GABRG3: variants seen among roughly 807,000 people sequenced by gnomAD.
The protein encoded by GABRG3 is gamma-aminobutyric acid receptor subunit gamma-3.
A neutral mutation model predicts 48.8 loss-of-function variants in GABRG3; 25 were observed. That is an observed-to-expected ratio of 0.51 (90% CI 0.37 to 0.72). The LOEUF (loss-of-function observed/expected upper bound fraction) is 0.72, where lower values mean the gene tolerates loss of function less well. GABRG3 is among the 30% of genes least tolerant of loss of function. The pLI is 0.00. For missense variants in GABRG3, 394 were observed against 577.9 expected, an observed-to-expected ratio of 0.68 and a Z score of 3.26; for synonymous variants, 227 against 217.6, an observed-to-expected ratio of 1.04 and a Z score of -0.38.
intron 3 of GABRG3, among the ~76,000 whole-genome samples, chr15:27,323,486 C>G (rs1429793510): frequency 6.6e-6 from 1 of 152,100 alleles, no homozygotes; most frequent in Non-Finnish European, 1.5e-5. Flanking sequence ...TTAAAAATGC[C>G]CATATGTGCC....
chr15:27,223,550 A>T (rs1180883750), intron 3 of GABRG3, among the ~76,000 whole-genome samples: 2 of 151,960 alleles, frequency 1.3e-5, no homozygotes, highest in Non-Finnish European at 2.9e-5. Context: ...TTACAAAAAA[A>T]ATGGAATATG....
intron 2 of GABRG3, among the ~76,000 whole-genome samples, chr15:27,014,426 T>C (rs920159512): frequency 2.0e-5 from 3 of 152,020 alleles, no homozygotes; most frequent in African/African-American, 7.2e-5. Flanking sequence ...TGTAAGTCTT[T>C]ACTGCTATAA....
chr15:27,292,615 C>T (rs1891832839), intron 3 of GABRG3, among the ~76,000 whole-genome samples: 1 of 151,984 alleles, frequency 6.6e-6, no homozygotes, highest in Non-Finnish European at 1.5e-5. Flanking sequence ...CTGGAACTTT[C>T]TCTATTCAAA....
chr15:27,159,567 A>G (rs192152475), intron 3 of GABRG3, among the ~76,000 whole-genome samples: 25 of 151,890 alleles, frequency 1.6e-4, no homozygotes, highest in Admixed American at 1.4e-3. Context: ...CTTATTTTCC[A>G]TCATGTTCCT....
In GABRG3 at chr15:26,976,469, G is replaced by A. The variant is rs973876491; in HGVS notation, c.54-533G>A. Among the ~76,000 whole-genome samples the A allele has an allele frequency of 1.3e-5, 2 of 152,122 alleles. No homozygotes were observed. Among genetic ancestry groups the A allele is most frequent in the African/African-American group, 4.8e-5 (2 of 41,426 alleles). On this transcript the variant is annotated intron_variant, in intron 1 of 9. Coordinates refer to ENST00000615808, the MANE Select transcript of GABRG3 (RefSeq NM_033223.5). This position sits in a 1 kb window ranked among gnomAD's most constrained non-coding sequence, Gnocchi z 7.8. ...CCGGCAAAGCAGACCCCCTCACAAT[G>A]CTCAAGTGCCTAGACCCCCAGATTC...
Position 27,391,197 on chromosome 15 carries a change from C to G in GABRG3, c.574+62309C>G, listed in dbSNP as rs1887118494. Among the ~76,000 whole-genome samples the G allele has an allele frequency of 2.6e-5, 4 of 152,144 alleles. No individual in the cohort carries two copies. The South Asian group carries it at 8.3e-4, about 32-fold the overall frequency. The stretch of plus-strand genomic sequence containing the variant: ...CCCTTGTAAAATAGAAAAATAGCTT[C>G]TCTTTTAATATTTTATAGGCTTTAT... On this transcript the variant is annotated intron_variant, in intron 5 of 9. Coordinates refer to ENST00000615808, the MANE Select transcript of GABRG3 (RefSeq NM_033223.5).
intron 3 of GABRG3, among the ~76,000 whole-genome samples, chr15:27,070,650 G>A (rs1896812025): frequency 6.6e-6 from 1 of 152,180 alleles, no homozygotes; most frequent in African/African-American, 2.4e-5. Context: ...ATGACAATTT[G>A]TATAAATGAA....
intron 3 of GABRG3, among the ~76,000 whole-genome samples, chr15:27,261,696 T>C (rs2140466878): frequency 1.3e-5 from 2 of 152,242 alleles, no homozygotes; most frequent in East Asian, 3.9e-4. Context: ...TCCCTTTCCT[T>C]TCTTCTTCAT....
chr15:27,338,765 A>C (rs1894064616), intron 5 of GABRG3, among the ~76,000 whole-genome samples: 2 of 152,192 alleles, frequency 1.3e-5, no homozygotes, highest in South Asian at 4.1e-4. Flanking sequence ...GCAGAGGTAC[A>C]GACAAACCAG....
chr15:27,047,767 T>G (rs1489836297), intron 3 of GABRG3, among the ~76,000 whole-genome samples: 1 of 152,190 alleles, frequency 6.6e-6, no homozygotes, highest in Non-Finnish European at 1.5e-5. Context: ...TTTGCAGATC[T>G]GGGAGAGGCA....
At chr15:27,502,108 A>G (rs1158094988) in intron 6 of GABRG3, among the ~76,000 whole-genome samples, 4 of 152,228 alleles carry the variant, frequency 2.6e-5, no homozygotes, top group Non-Finnish European at 5.9e-5. Context: ...TGTAGACAAT[A>G]AAAATTAGAT....
At chr15:27,249,878 T>C (rs917394791) in intron 3 of GABRG3, among the ~76,000 whole-genome samples, 2 of 152,114 alleles carry the variant, frequency 1.3e-5, no homozygotes, top group Admixed American at 1.3e-4. Context: ...ATTAAGATAA[T>C]TACATTATCA....
intron 6 of GABRG3, among the ~76,000 whole-genome samples, chr15:27,492,613 A>G (rs915025463): frequency 1.3e-5 from 2 of 152,240 alleles, no homozygotes; most frequent in Admixed American, 1.3e-4. Context: ...TCAATCTTCA[A>G]AATAACTGCT....
chr15:27,510,534 C>G (rs764905725), intron 6 of GABRG3, among the ~76,000 whole-genome samples: 1 of 152,218 alleles, frequency 6.6e-6, no homozygotes, highest in Non-Finnish European at 1.5e-5. Context: ...CTGTCATCCT[C>G]TCCCAGGCGG....
At chr15:27,329,329 C>G (rs899999593) in intron 5 of GABRG3, among the ~76,000 whole-genome samples, 1 of 152,076 alleles carries the variant, frequency 6.6e-6, no homozygotes, top group Non-Finnish European at 1.5e-5. Flanking sequence ...AGTAGCACAG[C>G]CTTAGCTGAC....
intron 3 of GABRG3, among the ~76,000 whole-genome samples, chr15:27,129,028 G>A (rs1897870320): frequency 2.6e-5 from 4 of 152,094 alleles, no homozygotes; most frequent in Admixed American, 2.6e-4. Context: ...AATTTGGGGA[G>A]GGTAAAAATA....
chr15:27,411,815 C>G (rs887151537), intron 5 of GABRG3, among the ~76,000 whole-genome samples: 3 of 152,094 alleles, frequency 2.0e-5, no homozygotes, highest in African/African-American at 7.2e-5. Flanking sequence ...CAGCTTCTCC[C>G]TCTTGTTCTT....
intron 2 of GABRG3, among the ~76,000 whole-genome samples, chr15:26,992,666 G>A (rs1331542826): frequency 6.6e-6 from 1 of 152,038 alleles, no homozygotes; most frequent in Non-Finnish European, 1.5e-5. Context: ...AGAGATATTG[G>A]CCTGTAGTTT....
intron 7 of GABRG3, among the ~76,000 whole-genome samples, chr15:27,525,957 T>TA (rs6145507): frequency 6.6e-6 from 1 of 151,364 alleles, no homozygotes; most frequent in Non-Finnish European, 1.5e-5. Flanking sequence ...CTTAAAAAAG[T>TA]AAATAAAATA....
Sources: allele counts gnomAD v4.1 joint callset (sites outside exome capture counted in the v4.1 genomes callset), GRCh38; gene constraint gnomAD v4.1.1; non-coding constraint Gnocchi (gnomAD v3.1); transcripts MANE v1.5; gene names NCBI Gene and HGNC (gene_info 2026-07-23, HGNC 2026-07-21).